Variants in IL15 observed in about 807,000 individuals in gnomAD.
IL15 encodes the protein interleukin 15.
A neutral mutation model predicts 19.6 loss-of-function variants in IL15; 11 were observed. The ratio of observed to expected loss-of-function variants is 0.56; its 90% CI spans 0.35 to 0.93. The LOEUF is 0.93. IL15 is among the 40% of genes least tolerant of loss of function. The pLI is 0.01. For missense variants in IL15, 197 were observed against 186.5 expected, an observed-to-expected ratio of 1.06 and a Z score of -0.33; for synonymous variants, 58 against 59.6, an observed-to-expected ratio of 0.97 and a Z score of 0.12.
rs563755547 is a variant in IL15 at position 141,652,602 on chromosome 4, C to T, written c.-221-3584C>T. ...GAGATCCAATGCTCAGGCTAAATCA[C>T]GTGATACATTTCATGTGAAGCTAAG... On this transcript the variant is annotated intron_variant, in intron 1 of 7. Coordinates refer to ENST00000320650, the MANE Select transcript of IL15 (RefSeq NM_000585.5). Among the ~76,000 whole-genome samples the T allele has an allele frequency of 3.7e-4, 57 of 152,172 alleles. 1 individual carries two copies. In the South Asian group the frequency reaches 0.012, roughly 32 times the overall value.
chr4:141,662,590 G>A (rs1439653443), intron 2 of IL15, among the ~76,000 whole-genome samples: 1 of 152,142 alleles, frequency 6.6e-6, no homozygotes, highest in Non-Finnish European at 1.5e-5. Context: ...TAAACAGCAT[G>A]TAGCTGTGTT....
rs563946622 is a variant in IL15, at chr4:141,685,855, A to C, written c.-100+29548A>C. 2.6e-5 allele frequency among the ~76,000 whole-genome samples: 4 copies of C among 152,202 alleles called. No individual in the cohort carries two copies. In the South Asian group the frequency reaches 8.3e-4, roughly 31 times the overall value. ...TTCATTATTTCTCCTTCATTTCTTC[A>C]TAACATTTAAAAATATCTTTGTATT... On this transcript the variant is annotated intron_variant, in intron 2 of 7. Transcript: ENST00000320650.
In IL15 at chr4:141,644,665, A is replaced by G. The variant is rs535910544; in HGVS notation, c.-222+7917A>G. On this transcript the variant is annotated intron_variant, in intron 1 of 7. Transcript: ENST00000320650. ...AACTGGATCTCCAGATGAGGATGAT[A>G]TTTCTCTGATGTAGTTTCTTGAGTG... Among the ~76,000 whole-genome samples the G allele has an allele frequency of 6.1e-4, 93 of 152,248 alleles. 1 individual carries two copies. The Middle Eastern group carries it at 0.017, about 28-fold the overall frequency.
chr4:141,709,720 A>T (rs968288556), intron 2 of IL15, among the ~76,000 whole-genome samples: 1 of 152,214 alleles, frequency 6.6e-6, no homozygotes, highest in Non-Finnish European at 1.5e-5. Flanking sequence ...TGTTAGGTAC[A>T]TAAACATTCA....
chr4:141,706,123 C>T (rs578012106), intron 2 of IL15, among the ~76,000 whole-genome samples: 19 of 151,690 alleles, frequency 1.3e-4, no homozygotes, highest in South Asian at 1.0e-3. Context: ...ATGGTTATTT[C>T]GTAAATGTTT....
chr4:141,726,634 A>C (rs1730275417), intron 5 of IL15, among the ~76,000 whole-genome samples: 1 of 152,166 alleles, frequency 6.6e-6, no homozygotes, highest in African/African-American at 2.4e-5. Context: ...TGCACACAAA[A>C]ATATGTACAT....
intron 2 of IL15, among the ~76,000 whole-genome samples, chr4:141,661,532 C>G (rs1386231118): frequency 1.3e-5 from 2 of 152,156 alleles, no homozygotes; most frequent in African/African-American, 4.8e-5. Context: ...CAAGGTGCAT[C>G]CTGACAGGCA....
chr4:141,715,202 A>G (rs1261510267), intron 2 of IL15: 1 of 152,122 alleles, frequency 6.6e-6, no homozygotes, highest in Non-Finnish European at 1.5e-5. Context: ...GACTCTAACC[A>G]CATGTATCTA....
intron 2 of IL15, among the ~76,000 whole-genome samples, chr4:141,671,889 G>T (rs998545004): frequency 6.6e-6 from 1 of 152,188 alleles, no homozygotes; most frequent in Non-Finnish European, 1.5e-5. Flanking sequence ...ACTGGAGAAG[G>T]GTGCATGGGA....
At chr4:141,679,851 T>C (rs1728475637) in intron 2 of IL15, among the ~76,000 whole-genome samples, 1 of 152,202 alleles carries the variant, frequency 6.6e-6, no homozygotes, top group African/African-American at 2.4e-5. Flanking sequence ...TTTTAAAGTG[T>C]TAAAGAAAAT....
chr4:141,642,226 G>T (rs1489535195), intron 1 of IL15, among the ~76,000 whole-genome samples: 3 of 152,102 alleles, frequency 2.0e-5, no homozygotes, highest in African/African-American at 4.8e-5. Flanking sequence ...CCTAAAGTGG[G>T]AGAAGGGTAA....
At chr4:141,672,422 T>G (rs1436896258) in intron 2 of IL15, among the ~76,000 whole-genome samples, 2 of 152,230 alleles carry the variant, frequency 1.3e-5, no homozygotes, top group Non-Finnish European at 2.9e-5. Flanking sequence ...TGTTTTCTTT[T>G]TATTTTAATC....
chr4:141,651,825 C>T (rs886764704), intron 1 of IL15, among the ~76,000 whole-genome samples: 1 of 152,058 alleles, frequency 6.6e-6, no homozygotes, highest in Admixed American at 6.6e-5. Flanking sequence ...AGGGATTGCT[C>T]TGGAGCAAGA....
rs563525079 is a variant in IL15 at position 141,727,453 on chromosome 4, G to A, written c.196-487G>A. ...CAAAATTATAGGCATGGAGAGCAGA[G>A]AAGTGGTTGCCAGAATTTAGAGAGA... On this transcript the variant is annotated intron_variant, in intron 5 of 7. Coordinates refer to ENST00000320650, the MANE Select transcript of IL15 (RefSeq NM_000585.5). 4.3e-4 allele frequency among the ~76,000 whole-genome samples: 65 copies of A among 152,236 alleles called. 1 individual carries two copies. Among genetic ancestry groups the A allele is most frequent in the Non-Finnish European group, 3.4e-4 (23 of 68,004 alleles).
rs1057972 is a variant in IL15, at chr4:141,733,279, A to T, written c.*431A>T. ...ACAGCTATGCTGGTAGGCTCCTGCC[A>T]GTGTGGAACCACTGACTACTGGCTC... On this transcript the variant is annotated 3_prime_UTR_variant, in exon 8 of 8. Coordinates refer to ENST00000320650, the MANE Select transcript of IL15 (RefSeq NM_000585.5). 82,543 of 154,902 alleles carry T rather than the reference A, an allele frequency of 0.53. 22,563 individuals are homozygous for T. Among genetic ancestry groups the T allele is most frequent in the African/African-American group, 0.66 (27,210 of 41,504 alleles). 9.6% of individuals were successfully genotyped at this position (154,902 alleles called of 1,614,324 possible). A position where few individuals can be genotyped will look rare whatever the true frequency, so the allele number is the denominator to read the frequency against.
In IL15 at chr4:141,719,485, A is replaced by G. The variant is rs1274739799; in HGVS notation, c.12+9A>G. ...GAGTAATGAGAATTTCGGTAAGAAA[A>G]AAAATAGATGAAAATATCCTATGGA... On this transcript the variant is annotated intron_variant, in intron 3 of 7. Coordinates refer to ENST00000320650, the MANE Select transcript of IL15 (RefSeq NM_000585.5). 2 of 1,229,022 alleles carry G rather than the reference A, an allele frequency of 1.6e-6. No individual in the cohort carries two copies. Among genetic ancestry groups the G allele is most frequent in the South Asian group, 2.5e-5 (2 of 80,766 alleles). 76.1% of individuals were successfully genotyped at this position (1,229,022 alleles called of 1,614,324 possible). A position where few individuals can be genotyped will look rare whatever the true frequency, so the allele number is the denominator to read the frequency against.
chr4:141,670,079 C>T (rs182642928), intron 2 of IL15, among the ~76,000 whole-genome samples: 120 of 150,324 alleles, frequency 8.0e-4, no homozygotes, highest in African/African-American at 2.7e-3. Context: ...TAAGGACTTC[C>T]GTCAACTAGA....
intron 4 of IL15, chr4:141,721,536 C>G: frequency 1.9e-6 from 1 of 525,368 alleles, no homozygotes; most frequent in East Asian, 4.9e-5. Context: ...AGAATTTTAC[C>G]TATTTATTAG....
rs1727588610 is a variant in IL15 at position 141,656,194 on chromosome 4, C to G, written c.-213C>G. 2.5e-6 allele frequency: 1 copy of G among 398,222 alleles called. No homozygotes were observed. The highest frequency in any genetic ancestry group is 2.1e-5 in the African/African-American group (1 of 48,608). The allele number at this position is 398,222 out of a possible 1,614,324, so 24.7% of individuals were successfully genotyped here. ...ACCTTTGACTCTTACAGAATCCATTCCAATATATGGCCATGTGGCTCTTTG... is the reference window on the plus strand; with the variant it reads ...ACCTTTGACTCTTACAGAATCCATTGCAATATATGGCCATGTGGCTCTTTG... On this transcript the variant is annotated 5_prime_UTR_variant, in exon 2 of 8. Coordinates refer to ENST00000320650, the MANE Select transcript of IL15 (RefSeq NM_000585.5).
Sources: gnomAD v4.1 joint callset for allele counts (sites outside exome capture counted in the v4.1 genomes callset) on GRCh38, gnomAD v4.1.1 for gene constraint, MANE v1.5 for transcripts, NCBI Gene and HGNC (gene_info 2026-07-23, HGNC 2026-07-21) for gene names.